PTP4A1: variants seen among roughly 807,000 people sequenced by gnomAD.
The protein encoded by PTP4A1 is protein tyrosine phosphatase 4A1.
In PTP4A1, 9 loss-of-function variants were observed where a neutral mutation model predicts 20.5. That is an observed-to-expected ratio of 0.44 (90% confidence interval 0.26 to 0.77). The LOEUF (loss-of-function observed/expected upper bound fraction) is 0.77. PTP4A1 is among the 30% of genes least tolerant of loss of function. The probability of loss-of-function intolerance (pLI) is 0.19; values close to 1 mark genes in which losing one functional copy is unlikely to be tolerated. For synonymous variants in PTP4A1, 78 were observed against 67.4 expected (o/e 1.16, Z -0.77); for missense variants, 137 against 218.8 (o/e 0.63, Z 2.36).
At chr6:63,567,117 G>A (rs894303806) in intron 3 of PTP4A1, among the ~76,000 whole-genome samples, 2 of 152,082 alleles carry the variant, frequency 1.3e-5, no homozygotes, top group South Asian at 2.1e-4. Flanking sequence ...AGTCTTGAAC[G>A]CCCTCAAGGT....
At chr6:63,552,559 T>C (rs1776499457) in intron 3 of PTP4A1, among the ~76,000 whole-genome samples, 1 of 152,230 alleles carries the variant, frequency 6.6e-6, no homozygotes, top group South Asian at 2.1e-4. Flanking sequence ...TTTGTTAATT[T>C]TGGCTTTTGT....
At chr6:63,531,042 C>T (rs1378594085) in intron 2 of PTP4A1, among the ~76,000 whole-genome samples, 4 of 152,158 alleles carry the variant, frequency 2.6e-5, no homozygotes, top group Non-Finnish European at 5.9e-5. Flanking sequence ...TGTGAAAATT[C>T]TGATATTATA....
intron 1 of PTP4A1, among the ~76,000 whole-genome samples, chr6:63,574,862 CACTGTA>C (rs1777748935): frequency 1.3e-5 from 2 of 152,120 alleles, no homozygotes; most frequent in African/African-American, 2.4e-5. Flanking sequence ...AATCTGTATT[CACTGTA>C]ACTGTGATGG....
intron 1 of PTP4A1, among the ~76,000 whole-genome samples, chr6:63,523,065 T>A (rs529716794): frequency 1.2e-3 from 185 of 151,872 alleles, no homozygotes; most frequent in Non-Finnish European, 2.2e-3. Context: ...GGGTTTCACC[T>A]TTTTTGGCCA....
chr6:63,524,453 A>G (rs1775074914), intron 1 of PTP4A1, among the ~76,000 whole-genome samples: 1 of 152,178 alleles, frequency 6.6e-6, no homozygotes, highest in Admixed American at 6.6e-5. Context: ...CCTTTATTAT[A>G]CCTTGAGTTT....
intron 2 of PTP4A1, among the ~76,000 whole-genome samples, chr6:63,546,016 C>T (rs1359004797): frequency 6.6e-6 from 1 of 152,162 alleles, no homozygotes; most frequent in East Asian, 1.9e-4. Context: ...AGCAATCCCA[C>T]TTCAGGGTAT....
intron 2 of PTP4A1, among the ~76,000 whole-genome samples, chr6:63,578,217 A>G (rs981579978): frequency 6.6e-6 from 1 of 152,224 alleles, no homozygotes; most frequent in Non-Finnish European, 1.5e-5. Flanking sequence ...GTTTATTAAA[A>G]ATATGTATGG....
intron 1 of PTP4A1, among the ~76,000 whole-genome samples, chr6:63,527,220 T>C (rs561469284): frequency 2.6e-5 from 4 of 152,312 alleles, no homozygotes; most frequent in Admixed American, 2.0e-4. Flanking sequence ...CTATAGCAGT[T>C]ACTTTATGTG....
In PTP4A1 at chr6:63,582,628, C is replaced by T. The variant is rs182142056; in HGVS notation, c.*2454C>T. 3 of 152,318 alleles carry T rather than the reference C, an allele frequency of 2.0e-5. No individual in the cohort carries two copies. The highest frequency in any genetic ancestry group is 2.0e-4 in the Admixed American group (3 of 15,288). The allele number at this position is 152,318 out of a possible 1,614,324, so 9.4% of individuals were successfully genotyped here. On this transcript the variant is annotated 3_prime_UTR_variant, in exon 6 of 6. Transcript: ENST00000626021. ...AAATTTGGTTACTTGGGTTTGGATA[C>T]CCTTAGTGGGATGATGTAAATAGAG...
chr6:63,526,847 A>AT (rs1364587321), intron 1 of PTP4A1, among the ~76,000 whole-genome samples: 4 of 140,032 alleles, frequency 2.9e-5, no homozygotes, highest in African/African-American at 1.1e-4. Flanking sequence ...TTATTTATTT[A>AT]TTCTTCTTAA....
intron 3 of PTP4A1, among the ~76,000 whole-genome samples, chr6:63,558,855 A>T (rs981330424): frequency 1.3e-5 from 2 of 152,220 alleles, no homozygotes; most frequent in Non-Finnish European, 2.9e-5. Context: ...TTCAAGAAAG[A>T]AATAAAGATA....
chr6:63,561,755 A>G (rs1184209504), intron 3 of PTP4A1, among the ~76,000 whole-genome samples: 1 of 152,204 alleles, frequency 6.6e-6, no homozygotes, highest in East Asian at 1.9e-4. Flanking sequence ...GTTGGGCATT[A>G]TATTCTCACA....
At position 63,580,823 on chromosome 6, in the gene PTP4A1, A is replaced by G. The variant is rs1217529351; in HGVS notation, c.*649A>G. 1 of 152,358 alleles carries G rather than the reference A, an allele frequency of 6.6e-6. No homozygotes were observed. Among genetic ancestry groups the G allele is most frequent in the East Asian group, 1.9e-4 (1 of 5,182 alleles). The allele number at this position is 152,358 out of a possible 1,614,324, so 9.4% of individuals were successfully genotyped here. ...TATTAAAAAAACCTCCATTTTGAAA[A>G]TCTACGTTGTACAGAAGCACATGTC... On this transcript the variant is annotated 3_prime_UTR_variant, in exon 6 of 6. Coordinates refer to ENST00000626021, the MANE Select transcript of PTP4A1 (RefSeq NM_003463.5).
At chr6:63,519,720 G>A (rs1774853823), upstream of PTP4A1, among the ~76,000 whole-genome samples, 2 of 152,216 alleles carry the variant, frequency 1.3e-5, no homozygotes, top group Admixed American at 1.3e-4. Flanking sequence ...AGCAATTCAT[G>A]TGTGACAGTT....
intron 3 of PTP4A1, among the ~76,000 whole-genome samples, chr6:63,566,212 G>A (rs893252152): frequency 6.6e-6 from 1 of 152,218 alleles, no homozygotes; most frequent in African/African-American, 2.4e-5. Context: ...AGATTTCAAA[G>A]AAAGCAGCTC....
chr6:63,564,782 C>A (rs535647480), intron 3 of PTP4A1, among the ~76,000 whole-genome samples: 2 of 152,170 alleles, frequency 1.3e-5, no homozygotes, highest in Non-Finnish European at 2.9e-5. Context: ...ATTTTCAATT[C>A]CCAAATGATT....
At chr6:63,519,453 T>A (rs1251188394), upstream of PTP4A1, among the ~76,000 whole-genome samples, 1 of 152,236 alleles carries the variant, frequency 6.6e-6, no homozygotes, top group Non-Finnish European at 1.5e-5. Flanking sequence ...AGGTAAGGGA[T>A]GTGAAACTGT....
chr6:63,569,951 A>T (rs543213000), upstream of PTP4A1, among the ~76,000 whole-genome samples: 5 of 152,326 alleles, frequency 3.3e-5, no homozygotes, highest in African/African-American at 9.6e-5. Flanking sequence ...TTCTCCAAGA[A>T]TCTGCAGCTT....
chr6:63,529,347 A>G (rs949104537), intron 2 of PTP4A1, among the ~76,000 whole-genome samples: 3 of 150,232 alleles, frequency 2.0e-5, no homozygotes, highest in Non-Finnish European at 2.9e-5. Flanking sequence ...CAAGACAAAT[A>G]TCAGAACAAA....
Sources: allele counts gnomAD v4.1 joint callset (sites outside exome capture counted in the v4.1 genomes callset), GRCh38; gene constraint gnomAD v4.1.1; transcripts MANE v1.5; gene names NCBI Gene and HGNC (gene_info 2026-07-23, HGNC 2026-07-21).